DPYSL5: variants seen among roughly 807,000 people sequenced by gnomAD.
The protein encoded by DPYSL5 is dihydropyrimidinase-related protein 5.
DPYSL5 carries 9 observed loss-of-function variants against 58.4 expected under a neutral mutation model. The ratio of observed to expected loss-of-function variants is 0.15; its 90% CI spans 0.09 to 0.27. The LOEUF is 0.27. Among genes scored for constraint, DPYSL5 ranks in the 10% least tolerant of loss-of-function variants. The pLI is 1.00. For synonymous variants in DPYSL5, 293 were observed against 301.9 expected (o/e 0.97, Z 0.31); for missense variants, 499 against 770.6 (o/e 0.65, Z 4.17).
At chr2:26,888,961 C>T (rs991374252) in intron 1 of DPYSL5, among the ~76,000 whole-genome samples, 5 of 151,990 alleles carry the variant, frequency 3.3e-5, no homozygotes, top group Admixed American at 6.6e-5. Context: ...TACAGATGGA[C>T]GCCTTCTTGC....
rs563460287 is a variant in DPYSL5 at position 26,928,753 on chromosome 2, G to A, written c.669+430G>A. Reference sequence around the variant, plus strand: ...TACGCACACACACGCACACACATACGTGTGTGCGTGTGTGTGTGTGTGTAT... The same window carrying A: ...TACGCACACACACGCACACACATACATGTGTGCGTGTGTGTGTGTGTGTAT... On this transcript the variant is annotated intron_variant, in intron 5 of 12. Transcript: ENST00000288699. Among the ~76,000 whole-genome samples the A allele has an allele frequency of 1.1e-3, 81 of 72,494 alleles. 17 individuals carry two copies. The highest frequency in any genetic ancestry group is 3.9e-3 in the African/African-American group (72 of 18,400). The allele number at this position is 72,494 out of a possible 152,430, so 47.6% of individuals were successfully genotyped here.
chr2:26,937,770 G>A (rs1665218691), intron 8 of DPYSL5, among the ~76,000 whole-genome samples: 1 of 151,794 alleles, frequency 6.6e-6, no homozygotes, highest in Non-Finnish European at 1.5e-5. Flanking sequence ...TTGTTTGTTT[G>A]TTTGTTTGTT....
At chr2:26,890,206 T>C (rs1663840102) in intron 1 of DPYSL5, among the ~76,000 whole-genome samples, 1 of 152,192 alleles carries the variant, frequency 6.6e-6, no homozygotes, top group Admixed American at 6.5e-5. Flanking sequence ...CCCTTTACAC[T>C]TCAGTCACCT....
intron 1 of DPYSL5, among the ~76,000 whole-genome samples, chr2:26,868,988 A>G (rs1663185646): frequency 6.6e-6 from 1 of 152,152 alleles, no homozygotes; most frequent in African/African-American, 2.4e-5. Context: ...TTTTTGAGAC[A>G]GGGTCTTGCT....
intron 2 of DPYSL5, among the ~76,000 whole-genome samples, chr2:26,901,865 C>G (rs991576951): frequency 1.3e-5 from 2 of 149,798 alleles, no homozygotes; most frequent in Non-Finnish European, 1.5e-5. Context: ...CTGGCCTTTC[C>G]GAGAACATCT....
chr2:26,902,051 A>C (rs1392380259), intron 2 of DPYSL5, among the ~76,000 whole-genome samples: 3 of 147,074 alleles, frequency 2.0e-5, no homozygotes, highest in East Asian at 2.1e-4. Flanking sequence ...ACACCCCACC[A>C]CCTGCAGGCC....
At chr2:26,885,565 C>G (rs552427484) in intron 1 of DPYSL5, among the ~76,000 whole-genome samples, 56 of 152,274 alleles carry the variant, frequency 3.7e-4, no homozygotes, top group African/African-American at 1.3e-3. Flanking sequence ...GGAAAAAGGG[C>G]CTGGTGGGAC....
intron 1 of DPYSL5, among the ~76,000 whole-genome samples, chr2:26,878,564 A>C (rs1380013792): frequency 1.3e-5 from 2 of 152,230 alleles, no homozygotes; most frequent in Non-Finnish European, 2.9e-5. Flanking sequence ...AGCCTAACTC[A>C]ATCAAAGGTT....
At chr2:26,892,256 T>A (rs914841959) in intron 1 of DPYSL5, among the ~76,000 whole-genome samples, 2 of 152,236 alleles carry the variant, frequency 1.3e-5, no homozygotes. Flanking sequence ...TGGAGGTTGC[T>A]GTGTGAATGC....
At chr2:26,920,045 A>G (rs1664665502) in intron 2 of DPYSL5, among the ~76,000 whole-genome samples, 1 of 152,242 alleles carries the variant, frequency 6.6e-6, no homozygotes, top group African/African-American at 2.4e-5. Flanking sequence ...TAAATTTTGT[A>G]TAAATTTTTA....
intron 1 of DPYSL5, among the ~76,000 whole-genome samples, chr2:26,874,357 T>A (rs1663353169): frequency 6.6e-6 from 1 of 152,216 alleles, no homozygotes; most frequent in Non-Finnish European, 1.5e-5. Flanking sequence ...TTCTCCTATA[T>A]TTTTTCCTAG....
chr2:26,937,140 C>T (rs1665200638), intron 8 of DPYSL5, among the ~76,000 whole-genome samples: 1 of 151,980 alleles, frequency 6.6e-6, no homozygotes, highest in African/African-American at 2.4e-5. Context: ...AGTGCTTCAA[C>T]CCACCCAAAT....
chr2:26,862,467 G>A (rs950118261), intron 1 of DPYSL5, among the ~76,000 whole-genome samples: 2 of 152,166 alleles, frequency 1.3e-5, no homozygotes, highest in African/African-American at 4.8e-5. Flanking sequence ...GGGTCTATAG[G>A]GATAAACTGG....
chr2:26,856,360 T>C (rs998515350), intron 1 of DPYSL5, among the ~76,000 whole-genome samples: 2 of 152,246 alleles, frequency 1.3e-5, no homozygotes, highest in African/African-American at 4.8e-5. Context: ...CAATCAGCTT[T>C]GCCTATTTTT....
At chr2:26,861,492 T>G (rs1388443861) in intron 1 of DPYSL5, among the ~76,000 whole-genome samples, 2 of 152,164 alleles carry the variant, frequency 1.3e-5, no homozygotes, top group African/African-American at 4.8e-5. Context: ...CTAAAAGAAC[T>G]TTAGAGAACG....
At chr2:26,870,310 T>C (rs1387952557) in intron 1 of DPYSL5, among the ~76,000 whole-genome samples, 3 of 152,226 alleles carry the variant, frequency 2.0e-5, no homozygotes, top group Non-Finnish European at 4.4e-5. Flanking sequence ...TCAACTTTTA[T>C]TTATTTTGAT....
chr2:26,855,094 A>T (rs1665846290), intron 1 of DPYSL5, among the ~76,000 whole-genome samples: 1 of 151,704 alleles, frequency 6.6e-6, no homozygotes, highest in Admixed American at 6.6e-5. Context: ...CTGGGATCAC[A>T]GGCGTGAGCC....
At chr2:26,874,725 C>A (rs369579676) in intron 1 of DPYSL5, among the ~76,000 whole-genome samples, 6 of 152,188 alleles carry the variant, frequency 3.9e-5, no homozygotes, top group African/African-American at 7.2e-5. Flanking sequence ...GGGAGACCTG[C>A]GTTCTGGGAG....
At chr2:26,908,908 T>C (rs1455260875) in intron 2 of DPYSL5, among the ~76,000 whole-genome samples, 2 of 152,262 alleles carry the variant, frequency 1.3e-5, no homozygotes, top group African/African-American at 4.8e-5. Context: ...CTTTTTCTTT[T>C]CTTAAATTAA....
Sources: gnomAD v4.1 joint callset for allele counts (sites outside exome capture counted in the v4.1 genomes callset) on GRCh38, gnomAD v4.1.1 for gene constraint, MANE v1.5 for transcripts, NCBI Gene and HGNC (gene_info 2026-07-23, HGNC 2026-07-21) for gene names.